The following PTPRM variants were observed in gnomAD, a reference collection of about 807,000 sequenced individuals.
PTPRM encodes protein tyrosine phosphatase receptor type M, also known as receptor-type tyrosine-protein phosphatase mu.
A neutral mutation model predicts 186.7 loss-of-function variants in PTPRM; 47 were observed. The observed-to-expected ratio is 0.25, with a 90% CI of 0.20 to 0.32. The LOEUF (loss-of-function observed/expected upper bound fraction) is 0.32. Among genes scored for constraint, PTPRM ranks in the 10% least tolerant of loss-of-function variants. The pLI, the probability that PTPRM is intolerant of heterozygous loss-of-function variation, is 1.00. For missense variants in PTPRM, 1,494 were observed against 1,865.0 expected, an observed-to-expected ratio of 0.80 and a Z score of 3.66; for synonymous variants, 668 against 674.9, an observed-to-expected ratio of 0.99 and a Z score of 0.16.
chr18:8,144,785 A>G (rs988129378), intron 14 of PTPRM, among the ~76,000 whole-genome samples: 7 of 152,246 alleles, frequency 4.6e-5, no homozygotes, highest in African/African-American at 7.2e-5. Flanking sequence ...GTAAAAATCA[A>G]TACAAAAATA....
intron 7 of PTPRM, among the ~76,000 whole-genome samples, chr18:7,986,091 T>G (rs2082948483): frequency 6.6e-6 from 1 of 152,188 alleles, no homozygotes; most frequent in African/African-American, 2.4e-5. Flanking sequence ...GAGAGCTGTC[T>G]AAGGCCCAAT....
At chr18:7,747,902 A>T (rs1038766499) in intron 1 of PTPRM, among the ~76,000 whole-genome samples, 1 of 152,212 alleles carries the variant, frequency 6.6e-6, no homozygotes, top group Non-Finnish European at 1.5e-5. Context: ...GACCATTTTT[A>T]TATAAGGAAT....
intron 1 of PTPRM, among the ~76,000 whole-genome samples, chr18:7,634,282 A>G (rs1036457066): frequency 6.6e-6 from 1 of 151,492 alleles, no homozygotes; most frequent in African/African-American, 2.4e-5. Flanking sequence ...CTCGATTCCC[A>G]TTGTACTGTT....
intron 13 of PTPRM, among the ~76,000 whole-genome samples, chr18:8,136,219 A>G (rs1296950264): frequency 6.6e-6 from 1 of 152,212 alleles, no homozygotes; most frequent in East Asian, 1.9e-4. Context: ...TTATTCACTT[A>G]TGTGAAAGTT....
chr18:8,151,397 G>A (rs917688749), intron 14 of PTPRM, among the ~76,000 whole-genome samples: 17 of 151,748 alleles, frequency 1.1e-4, no homozygotes, highest in South Asian at 8.4e-4. Context: ...CACCCAGTTC[G>A]AACTTCTTGG....
intron 1 of PTPRM, among the ~76,000 whole-genome samples, chr18:7,723,341 C>G (rs2040484973): frequency 6.6e-6 from 1 of 152,152 alleles, no homozygotes; most frequent in African/African-American, 2.4e-5. Flanking sequence ...TTCAAGCAAG[C>G]AAGCTTTTTC....
At chr18:7,729,595 G>A (rs1045053363) in intron 1 of PTPRM, among the ~76,000 whole-genome samples, 19 of 152,112 alleles carry the variant, frequency 1.2e-4, no homozygotes, top group African/African-American at 4.3e-4. Flanking sequence ...AATGGAAATG[G>A]TAACATTCAT....
At chr18:8,042,263 A>C (rs1437514059) in intron 7 of PTPRM, among the ~76,000 whole-genome samples, 2 of 152,226 alleles carry the variant, frequency 1.3e-5, no homozygotes, top group Non-Finnish European at 2.9e-5. Context: ...CAAATATAAA[A>C]ATCTGAATAG....
intron 4 of PTPRM, among the ~76,000 whole-genome samples, chr18:7,924,415 A>G (rs938504575): frequency 5.3e-5 from 8 of 152,218 alleles, no homozygotes; most frequent in Non-Finnish European, 1.0e-4. Context: ...GGCTTCTAAT[A>G]TATTCCTATT....
chr18:7,744,516 G>T (rs1003473419), intron 1 of PTPRM, among the ~76,000 whole-genome samples: 1 of 152,108 alleles, frequency 6.6e-6, no homozygotes, highest in Non-Finnish European at 1.5e-5. Flanking sequence ...TCCTCTCATA[G>T]AATTTAAGAT....
At chr18:8,273,525 A>C (rs1481710065) in intron 19 of PTPRM, among the ~76,000 whole-genome samples, 2 of 152,120 alleles carry the variant, frequency 1.3e-5, no homozygotes, top group African/African-American at 4.8e-5. Flanking sequence ...CCCAAAGCCT[A>C]GACTTCAGCC....
rs1453104113 is a variant in PTPRM, at chr18:8,240,645, GAGAGAGAGAAAGAA to G, written c.2301-3409_2301-3396del. On this transcript the variant is annotated intron_variant, in intron 14 of 32. Transcript: ENST00000580170. The stretch of plus-strand genomic sequence containing the variant: ...AGAGAGAGAGAGAGAGAGAGAGAGA[GAGAGAGAGAAAGAA>G]AGAAAGAAAGAAAGAAAGAAAAAGA... 2.3e-3 allele frequency among the ~76,000 whole-genome samples: 84 copies of G among 36,148 alleles called. 3 individuals are homozygous for G. Among genetic ancestry groups the G allele is most frequent in the African/African-American group, 0.01 (72 of 7,186 alleles). 23.7% of individuals were successfully genotyped at this position (36,148 alleles called of 152,430 possible).
At chr18:7,667,488 A>G (rs115729012) in intron 1 of PTPRM, among the ~76,000 whole-genome samples, 3,367 of 152,310 alleles carry the variant, frequency 0.022, 129 homozygotes, top group African/African-American at 0.077. Flanking sequence ...TAGTTGAATT[A>G]TAGGTTATTT....
At position 8,305,874 on chromosome 18, in the gene PTPRM, T is replaced by G. The variant is rs375556726; in HGVS notation, c.2843-8907T>G. On this transcript the variant is annotated intron_variant, in intron 20 of 32. Coordinates refer to ENST00000580170, the MANE Select transcript of PTPRM (RefSeq NM_001105244.2). ...TTATTGGTAAACTTCAACAAAGATGTTGCTTTTATTCACAGAAAAGGGGTA... is the reference window on the plus strand; with the variant it reads ...TTATTGGTAAACTTCAACAAAGATGGTGCTTTTATTCACAGAAAAGGGGTA... 6.0e-4 allele frequency among the ~76,000 whole-genome samples: 91 copies of G among 151,952 alleles called. 3 individuals carry two copies. In the South Asian group the frequency reaches 0.018, roughly 30 times the overall value.
chr18:8,061,277 A>AC (rs2088476789), intron 7 of PTPRM, among the ~76,000 whole-genome samples: 2 of 72,940 alleles, frequency 2.7e-5, no homozygotes, highest in Non-Finnish European at 5.5e-5. Flanking sequence ...TAGGATTGCA[A>AC]CCCCTGCCTT....
intron 14 of PTPRM, among the ~76,000 whole-genome samples, chr18:8,243,433 T>TCATA (rs1473486246): frequency 6.6e-6 from 1 of 152,146 alleles, no homozygotes; most frequent in Non-Finnish European, 1.5e-5. Flanking sequence ...TGGGACAGGG[T>TCATA]CATAGCCTTT....
intron 14 of PTPRM, among the ~76,000 whole-genome samples, chr18:8,173,431 T>A (rs1248631879): frequency 6.6e-6 from 1 of 152,202 alleles, no homozygotes; most frequent in Non-Finnish European, 1.5e-5. Context: ...AGACAAATAA[T>A]ATGAGTCAAT....
intron 2 of PTPRM, among the ~76,000 whole-genome samples, chr18:7,855,332 C>G (rs1299706832): frequency 1.3e-5 from 2 of 152,178 alleles, no homozygotes; most frequent in Admixed American, 6.6e-5. Context: ...GGGCCTGTGG[C>G]TCAGGGGGCC....
At chr18:8,054,298 A>ATATATATATATATATATATAT (rs1555710874) in intron 7 of PTPRM, among the ~76,000 whole-genome samples, 30 of 131,688 alleles carry the variant, frequency 2.3e-4, no homozygotes, top group African/African-American at 8.4e-4. Context: ...TAGTAGTAGT[A>ATATATATATATATATATATAT]ATATATATAT....
Sources: gnomAD v4.1 joint callset for allele counts (sites outside exome capture counted in the v4.1 genomes callset) on GRCh38, gnomAD v4.1.1 for gene constraint, MANE v1.5 for transcripts, NCBI Gene and HGNC (gene_info 2026-07-23, HGNC 2026-07-21) for gene names.